Variants in PLOD1 observed in about 807,000 individuals in gnomAD.
PLOD1 encodes the protein lysine hydroxylase.
Under a neutral mutation model 94.7 loss-of-function variants are expected in PLOD1, and 70 were observed. That is an observed-to-expected ratio of 0.74 (90% CI 0.61 to 0.90). The LOEUF is 0.90. Among genes scored for constraint, PLOD1 ranks in the 40% least tolerant of loss-of-function variants. The probability of loss-of-function intolerance (pLI) is 0.00; values close to 1 mark genes in which losing one functional copy is unlikely to be tolerated. For synonymous variants in PLOD1, 417 were observed against 400.2 expected (o/e 1.04, Z -0.50); for missense variants, 905 against 972.7 (o/e 0.93, Z 0.93).
intron 1 of PLOD1, among the ~76,000 whole-genome samples, chr1:11,941,822 G>C (rs59408485): frequency 0.025 from 3,874 of 152,134 alleles, 156 homozygotes; most frequent in African/African-American, 0.088. Flanking sequence ...ATAACTTGCA[G>C]TATGTAATAT....
chr1:11,951,884 A>G (rs1645705546), intron 4 of PLOD1, among the ~76,000 whole-genome samples: 1 of 152,050 alleles, frequency 6.6e-6, no homozygotes, highest in African/African-American at 2.4e-5. Context: ...GTGCCACTGC[A>G]CTCCAGCCTG....
chr1:11,952,254 A>G (rs889944270), intron 4 of PLOD1, among the ~76,000 whole-genome samples: 3 of 152,224 alleles, frequency 2.0e-5, no homozygotes, highest in Admixed American at 1.3e-4. Context: ...TCTCTGGGCC[A>G]GGTTTCCCAG....
intron 1 of PLOD1, 91 bp downstream of exon 1, chr1:11,934,946 C>G: frequency 2.1e-6 from 3 of 1,445,502 alleles, no homozygotes; most frequent in Admixed American, 2.2e-5. Flanking sequence ...GAATGGGAGG[C>G]CTGGGCTGGA....
At chr1:11,936,911 G>C (rs1054655284) in intron 1 of PLOD1, among the ~76,000 whole-genome samples, 1 of 150,586 alleles carries the variant, frequency 6.6e-6, no homozygotes, top group African/African-American at 2.5e-5. Context: ...CCAATGGTGC[G>C]ATCTCAGCTC....
At chr1:11,946,470 C>G (rs1645655320) in intron 1 of PLOD1, among the ~76,000 whole-genome samples, 1 of 152,194 alleles carries the variant, frequency 6.6e-6, no homozygotes, top group Non-Finnish European at 1.5e-5. Flanking sequence ...TTCTAAGAGC[C>G]TCAAGCATGG....
At chr1:11,941,585 T>C (rs1645615816) in intron 1 of PLOD1, among the ~76,000 whole-genome samples, 1 of 151,896 alleles carries the variant, frequency 6.6e-6, no homozygotes, top group Non-Finnish European at 1.5e-5. Flanking sequence ...GGTCAAGCAA[T>C]TCTCCTATCT....
chr1:11,944,421 G>C, intron 1 of PLOD1: 1 of 333,070 alleles, frequency 3.0e-6, no homozygotes, highest in Non-Finnish European at 4.5e-6. Context: ...GCATGCACGC[G>C]TACACACACA....
chr1:11,964,739 G>A lies in PLOD1; in HGVS notation c.1424G>A (p.Ser475Asn). The change falls in exon 13 of 19, where the codon AGC becomes AAC. Residue 475 changes from serine (S) to asparagine (N), a missense_variant. By Grantham distance (46) the Ser-to-Asn change is conservative. Transcript: ENST00000196061. ...CAGTCCTCAGATCTCTTCCACCACAGCAAGCTGGACCCCGACATGGCCTTC... is the reference window on the plus strand; with the variant it reads ...CAGTCCTCAGATCTCTTCCACCACAACAAGCTGGACCCCGACATGGCCTTC... The part of the protein sequence containing the change: ...ELQSSDLFHH[S>N]KLDPDMAFCA... 1.2e-6 allele frequency: 2 copies of A among 1,613,754 alleles called. No homozygotes were observed. The highest frequency in any genetic ancestry group is 1.1e-5 in the South Asian group (1 of 91,086).
At position 11,934,775 on chromosome 1, in the gene PLOD1, C is replaced by G. The variant is rs1373695454; in HGVS notation, c.-5C>G. The G allele has an allele frequency of 1.3e-6, 2 of 1,535,950 alleles. No individual in the cohort carries two copies. The highest frequency in any genetic ancestry group is 1.9e-4 in the Middle Eastern group (1 of 5,194). On this transcript the variant is annotated 5_prime_UTR_variant, in exon 1 of 19. Transcript: ENST00000196061. ...GGTCGGCCGATCGTCCCCCATACCT[C>G]GGCCATGCGGCCCCTGCTGCTACTG...
intron 1 of PLOD1, among the ~76,000 whole-genome samples, chr1:11,938,021 C>T (rs1477576751): frequency 6.7e-6 from 1 of 149,772 alleles, no homozygotes; most frequent in Non-Finnish European, 1.5e-5. Flanking sequence ...GGCACGATCT[C>T]AGCGCACTGC....
chr1:11,944,762 G>A (rs142782618), intron 1 of PLOD1: 12,166 of 906,450 alleles, frequency 0.013, 112 homozygotes, highest in Non-Finnish European at 0.015. Flanking sequence ...GCCGCCTGGC[G>A]CCAGCCCTCT....
chr1:11,953,141 T>C lies in PLOD1; in HGVS notation c.579+406T>C, dbSNP rs201135265. Among the ~76,000 whole-genome samples, 1,206 of 152,142 alleles carry C rather than the reference T, an allele frequency of 7.9e-3. 124 individuals are homozygous for C. In the East Asian group the frequency reaches 0.22, roughly 28 times the overall value. On this transcript the variant is annotated intron_variant, in intron 5 of 18. Coordinates refer to ENST00000196061, the MANE Select transcript of PLOD1 (RefSeq NM_000302.4). ...TGCGATCTCGGCTCACTACAGCCTCTACCTCCCTGGTTCAAGCGATTCTCG... is the reference window on the plus strand; with the variant it reads ...TGCGATCTCGGCTCACTACAGCCTCCACCTCCCTGGTTCAAGCGATTCTCG...
intron 10 of PLOD1, among the ~76,000 whole-genome samples, chr1:11,961,852 G>A (rs1285907616): frequency 3.3e-5 from 5 of 152,058 alleles, no homozygotes; most frequent in Admixed American, 6.6e-5. Flanking sequence ...GCAGTGGCGC[G>A]ATCTCGGCTC....
rs1316445285 is a variant in PLOD1 at position 11,950,495 on chromosome 1, T to A, written c.441T>A (p.Asp147Glu). 1 of 1,614,064 alleles carries A rather than the reference T, an allele frequency of 6.2e-7. No homozygotes were observed. Among genetic ancestry groups the A allele is most frequent in the Non-Finnish European group, 8.5e-7 (1 of 1,179,998 alleles). Residue 147 changes from aspartate to glutamate, a missense_variant, in exon 4 of 19, where the codon GAT becomes GAA. Physicochemically the swap from Asp to Glu is conservative, Grantham distance 45 (BLOSUM62 2). Transcript: ENST00000196061. Reference protein sequence around the residue: ...RLETKYPVVSDGKRFLGSGGF... With the variant: ...RLETKYPVVSEGKRFLGSGGF... ...AGACCAAGTATCCGGTGGTGTCCGA[T>A]GGCAAGAGGTTCCTGGGCTCTGGAG...
At chr1:11,941,495 T>TTATTATTA (rs1557481986) in intron 1 of PLOD1, among the ~76,000 whole-genome samples, 10 of 144,212 alleles carry the variant, frequency 6.9e-5, no homozygotes, top group African/African-American at 2.8e-4. Flanking sequence ...TATTATTATT[T>TTATTATTA]TTGAGATGGA....
chr1:11,969,455 C>T (rs1295324195), intron 16 of PLOD1, among the ~76,000 whole-genome samples: 1 of 152,202 alleles, frequency 6.6e-6, no homozygotes, highest in Non-Finnish European at 1.5e-5. Flanking sequence ...CTGAGCTGAT[C>T]TCCAGAAGCC....
intron 4 of PLOD1, among the ~76,000 whole-genome samples, chr1:11,951,729 C>A (rs535750761): frequency 6.6e-6 from 1 of 150,428 alleles, no homozygotes; most frequent in Admixed American, 6.7e-5. Context: ...ACCATCCTGG[C>A]TAACACGATG....
At chr1:11,951,553 T>G (rs977045751) in intron 4 of PLOD1, among the ~76,000 whole-genome samples, 1 of 145,730 alleles carries the variant, frequency 6.9e-6, no homozygotes, top group Non-Finnish European at 1.5e-5. Flanking sequence ...AAATAATTTT[T>G]TTAAATAAAA....
In PLOD1 at chr1:11,954,796, T is replaced by C. The variant is rs769954070; in HGVS notation, c.580-34T>C. On this transcript the variant is annotated intron_variant, in intron 5 of 18. Transcript: ENST00000196061. ...TAGCCCCAGCCTCCCCCAGGGCCTG[T>C]CCCTGCTGCAGTCTGGTACCTTCTT... 5.2e-6 allele frequency: 8 copies of C among 1,541,750 alleles called. No homozygotes were observed. The African/African-American group carries it at 8.2e-5, about 16-fold the overall frequency.
Sources: gnomAD v4.1 joint callset for allele counts (sites outside exome capture counted in the v4.1 genomes callset) on GRCh38, gnomAD v4.1.1 for gene constraint, MANE v1.5 for transcripts, NCBI Gene and HGNC (gene_info 2026-07-23, HGNC 2026-07-21) for gene names.